PRH1: variants seen among roughly 807,000 people sequenced by gnomAD.
PRH1 encodes salivary acidic proline-rich phosphoprotein 1/2.
PRH1 carries 7 observed loss-of-function variants against 7.9 expected under a neutral mutation model. That is an observed-to-expected ratio of 0.89 (90% CI 0.50 to 1.67). The LOEUF is 1.67. PRH1 is among the 40% of genes most tolerant of loss of function. PRH1 has a pLI of 0.00. For missense variants in PRH1, 109 were observed against 223.6 expected, an observed-to-expected ratio of 0.49 and a Z score of 3.27; for synonymous variants, 45 against 80.8, an observed-to-expected ratio of 0.56 and a Z score of 2.38.
rs1944494508 is a variant in PRH1, at chr12:11,081,320, G to T, written n.124-34132C>A. On this transcript the variant is annotated intron_variant and non_coding_transcript_variant, in intron 1 of 4. Coordinates refer to the PRH1 transcript ENST00000541977. ...TTTTTTTCAGTCTTATTCTTTTAGTGTTCAGAATAATCTTTTATTCTCCTT... is the reference window on the plus strand; with the variant it reads ...TTTTTTTCAGTCTTATTCTTTTAGTTTTCAGAATAATCTTTTATTCTCCTT... Among the ~76,000 whole-genome samples the T allele has an allele frequency of 1.7e-5, 2 of 116,586 alleles. 1 individual carries two copies. The highest frequency in any genetic ancestry group is 5.7e-5 in the African/African-American group (2 of 34,804). 76.5% of individuals were successfully genotyped at this position (116,586 alleles called of 152,430 possible).
intron 2 of PRH1, among the ~76,000 whole-genome samples, chr12:10,926,766 T>C (rs1234907417): frequency 6.6e-6 from 1 of 151,818 alleles, no homozygotes; most frequent in Non-Finnish European, 1.5e-5. Flanking sequence ...CTGGAGGGAG[T>C]GAGGATTTTT....
chr12:11,114,201 C>G (rs2136309756), intron 1 of PRH1, among the ~76,000 whole-genome samples: 1 of 152,240 alleles, frequency 6.6e-6, no homozygotes, highest in Non-Finnish European at 1.5e-5. Context: ...AAGACACATG[C>G]ACATGTATGT....
At chr12:10,939,290 A>C in intron 2 of PRH1, 1 of 737,968 alleles carries the variant, frequency 1.4e-6, no homozygotes, top group South Asian at 2.3e-5. Flanking sequence ...TGTATATCTG[A>C]TTCTTGAAAA....
At chr12:11,092,075 G>A (rs778393759) in intron 1 of PRH1, 6 of 1,550,200 alleles carry the variant, frequency 3.9e-6, no homozygotes, top group East Asian at 4.5e-5. Flanking sequence ...TCTGGAGACC[G>A]CCAGAGCAGT....
chr12:11,116,555 AT>A (rs1252536247), downstream of PRH1, among the ~76,000 whole-genome samples: 3 of 152,104 alleles, frequency 2.0e-5, no homozygotes, highest in Admixed American at 2.0e-4. Flanking sequence ...GGAAGAGGGA[AT>A]ACTTCCAGGC....
chr12:11,109,756 C>G (rs768373291), intron 1 of PRH1, among the ~76,000 whole-genome samples: 32 of 151,966 alleles, frequency 2.1e-4, no homozygotes, highest in Admixed American at 3.9e-4. Context: ...AAACCGGAAG[C>G]CTCTTCTCTT....
upstream of PRH1, among the ~76,000 whole-genome samples, chr12:10,887,806 T>C (rs1262326097): frequency 6.6e-6 from 1 of 152,238 alleles, no homozygotes; most frequent in Non-Finnish European, 1.5e-5. Context: ...CTCTTCTCTT[T>C]GTAATTCCAG....
chr12:10,973,093 C>G (rs1938913236), intron 2 of PRH1, among the ~76,000 whole-genome samples: 2 of 152,042 alleles, frequency 1.3e-5, no homozygotes, highest in Admixed American at 1.3e-4. Context: ...TCAAACTGAT[C>G]TCTCATGCTT....
intron 2 of PRH1, chr12:10,931,175 T>G: frequency 3.2e-6 from 5 of 1,559,794 alleles, no homozygotes; most frequent in African/African-American, 1.4e-5. Flanking sequence ...TGTTAATATT[T>G]CCGTGTCCTG....
intron 2 of PRH1, among the ~76,000 whole-genome samples, chr12:10,899,744 C>T (rs1313983950): frequency 6.6e-6 from 1 of 152,120 alleles, no homozygotes; most frequent in Non-Finnish European, 1.5e-5. Flanking sequence ...TTATAAATTA[C>T]TCAGCTTCAG....
At chr12:11,113,035 A>T (rs574018118) in intron 1 of PRH1, among the ~76,000 whole-genome samples, 5 of 152,230 alleles carry the variant, frequency 3.3e-5, no homozygotes, top group Non-Finnish European at 5.9e-5. Context: ...TCATGAGTGA[A>T]CTCCATTTCA....
intron 1 of PRH1, among the ~76,000 whole-genome samples, chr12:11,153,684 T>C (rs1947170027): frequency 6.6e-6 from 1 of 152,152 alleles, no homozygotes; most frequent in Non-Finnish European, 1.5e-5. Context: ...CCTCCTCTTA[T>C]GTTTAAATAT....
intron 1 of PRH1, among the ~76,000 whole-genome samples, chr12:11,110,074 T>C (rs1158398524): frequency 2.0e-5 from 3 of 152,100 alleles, no homozygotes; most frequent in Admixed American, 6.5e-5. Flanking sequence ...ATATCAGACA[T>C]TGAAGATCAA....
At chr12:10,954,523 A>G (rs1937856920) in intron 2 of PRH1, among the ~76,000 whole-genome samples, 4 of 152,188 alleles carry the variant, frequency 2.6e-5, no homozygotes, top group Admixed American at 2.6e-4. Flanking sequence ...GCCATAGTGC[A>G]GTGGCGCAAT....
intron 2 of PRH1, chr12:10,896,766 A>G: frequency 6.6e-6 from 1 of 152,084 alleles, no homozygotes; most frequent in Non-Finnish European, 1.5e-5. Flanking sequence ...GTCTCAAAAA[A>G]AAAAAAAAAA....
chr12:11,130,706 G>C (rs1383294694), intron 1 of PRH1, among the ~76,000 whole-genome samples: 2 of 152,120 alleles, frequency 1.3e-5, no homozygotes, highest in Non-Finnish European at 2.9e-5. Flanking sequence ...ATCAGTGTAA[G>C]ACCAGTGTAA....
At chr12:10,979,190 A>G (rs998012750) in intron 1 of PRH1, among the ~76,000 whole-genome samples, 2 of 152,182 alleles carry the variant, frequency 1.3e-5, no homozygotes, top group South Asian at 4.1e-4. Context: ...TCTATACAGC[A>G]AGTTCCCATG....
At chr12:11,151,855 A>G (rs1473868662) in intron 1 of PRH1, among the ~76,000 whole-genome samples, 1 of 152,102 alleles carries the variant, frequency 6.6e-6, no homozygotes, top group African/African-American at 2.4e-5. Flanking sequence ...TCTTAAATCT[A>G]TTAGTGAGTT....
chr12:11,062,174 T>C (rs764556200), intron 1 of PRH1: 73 of 1,613,482 alleles, frequency 4.5e-5, no homozygotes, highest in Admixed American at 3.5e-4. Context: ...GCAAAAGAGA[T>C]CTTTTGTCTC....
Sources: gnomAD v4.1 joint callset for allele counts (sites outside exome capture counted in the v4.1 genomes callset) on GRCh38, gnomAD v4.1.1 for gene constraint, MANE v1.5 for transcripts, NCBI Gene and HGNC (gene_info 2026-07-23, HGNC 2026-07-21) for gene names.